Variants in MCM6 observed in about 807,000 individuals in gnomAD.
The protein encoded by MCM6 is DNA replication licensing factor MCM6.
Under a neutral mutation model 94.3 loss-of-function variants are expected in MCM6, and 46 were observed. The observed-to-expected ratio is 0.49, with a 90% CI of 0.39 to 0.62. The LOEUF (loss-of-function observed/expected upper bound fraction) is 0.62. Among genes scored for constraint, MCM6 ranks in the 20% least tolerant of loss-of-function variants. The pLI, the probability that MCM6 is intolerant of heterozygous loss-of-function variation, is 0.00. For synonymous variants in MCM6, 335 were observed against 351.9 expected (o/e 0.95, Z 0.54); for missense variants, 865 against 1,017.9 (o/e 0.85, Z 2.04).
chr2:135,842,009 A>G (rs1294081208), intron 16 of MCM6, among the ~76,000 whole-genome samples: 1 of 152,064 alleles, frequency 6.6e-6, no homozygotes, highest in Non-Finnish European at 1.5e-5. Flanking sequence ...GGAGGCTGAG[A>G]TAAGAGAATC....
intron 14 of MCM6, 76 bp from the exon 15 acceptor site, chr2:135,846,468 T>A: frequency 8.9e-7 from 1 of 1,117,704 alleles, no homozygotes; most frequent in African/African-American, 1.6e-5. Flanking sequence ...ACAAATACAC[T>A]ACTTACATTT....
intron 14 of MCM6, 82 bp from the exon 15 acceptor site, chr2:135,846,474 C>T (rs1243837919): frequency 9.6e-7 from 1 of 1,045,616 alleles, no homozygotes; most frequent in African/African-American, 1.6e-5. Context: ...ACACTACTTA[C>T]ATTTAATACT....
In MCM6 at chr2:135,864,322, C is replaced by A. The variant is rs1010517274; in HGVS notation, c.1078+691G>T. Among the ~76,000 whole-genome samples, 4 of 152,122 alleles carry A rather than the reference C, an allele frequency of 2.6e-5. No individual in the cohort carries two copies. The East Asian group carries it at 7.7e-4, about 29-fold the overall frequency. ...GAACAAGTAACCAATCATAAACACT[C>A]CATTTTGGTAAATAAAAAGAGAAAC... On this transcript the variant is annotated intron_variant, in intron 7 of 16. Coordinates refer to ENST00000264156, the MANE Select transcript of MCM6 (RefSeq NM_005915.6).
chr2:135,854,684 G>T (rs901048349), intron 11 of MCM6, among the ~76,000 whole-genome samples: 9 of 151,768 alleles, frequency 5.9e-5, no homozygotes, highest in African/African-American at 2.2e-4. Flanking sequence ...GCCAGCCTGG[G>T]CAACATGGCA....
chr2:135,870,467 T>C, intron 2 of MCM6, 106 bp from the exon 3 acceptor site: 1 of 768,296 alleles, frequency 1.3e-6, no homozygotes, highest in South Asian at 1.5e-5. Context: ...TGGTTACAAC[T>C]AAACCTTAGA....
intron 4 of MCM6, 43 bp downstream of exon 4, chr2:135,868,568 T>G: frequency 6.3e-7 from 1 of 1,590,514 alleles, no homozygotes; most frequent in Non-Finnish European, 8.6e-7. Context: ...AGTGAATTAT[T>G]ATCATAGATG....
Position 135,844,433 on chromosome 2 carries a change from C to T in MCM6, c.2349+112G>A, listed in dbSNP as rs1208065215. ...ACAACTCATACTTCTGACTACACTC[C>T]AATGATTCAAAACAAACAAAGGTCA... On this transcript the variant is annotated intron_variant, in intron 16 of 16. Transcript: ENST00000264156. 2.2e-5 allele frequency: 20 copies of T among 890,488 alleles called. No homozygotes were observed. In the East Asian group the frequency reaches 6.0e-4, roughly 27 times the overall value. 55.2% of individuals were successfully genotyped at this position (890,488 alleles called of 1,614,324 possible). A position where few individuals can be genotyped will look rare whatever the true frequency, so the allele number is the denominator to read the frequency against.
In MCM6 at chr2:135,840,887, T is replaced by C. The variant is rs148613967; in HGVS notation, c.2414A>G (p.Tyr805Cys). ...LKGSTEGSESYEEDPYLVVNP... is the reference protein window; with the variant it reads ...LKGSTEGSESCEEDPYLVVNP... The stretch of plus-strand genomic sequence containing the variant: ...AACTACCAAGTAGGGATCTTCTTCA[T>C]AGCTCTCACTTCCCTCTGTGGAGCC... The change falls in exon 17 of 17, where the codon TAT (tyrosine) becomes TGT (cysteine). Residue 805 changes from tyrosine to cysteine, a missense_variant. Physicochemically the swap from Tyr to Cys is radical, Grantham distance 194 (BLOSUM62 -2). Around this residue, in one of 3 missense-constraint regions of MCM6, gnomAD observed 308 missense variants for 324.5 expected, o/e 0.95. Coordinates refer to ENST00000264156, the MANE Select transcript of MCM6 (RefSeq NM_005915.6). 5.0e-4 allele frequency: 800 copies of C among 1,614,104 alleles called. 1 individual carries two copies. Among genetic ancestry groups the C allele is most frequent in the Non-Finnish European group, 6.3e-4 (742 of 1,180,018 alleles).
At chr2:135,854,064 A>C (rs1316956083) in intron 11 of MCM6, among the ~76,000 whole-genome samples, 1 of 152,120 alleles carries the variant, frequency 6.6e-6, no homozygotes, top group East Asian at 1.9e-4. Context: ...CGGTCTCTAC[A>C]AAAAATACAA....
chr2:135,854,818 A>G (rs1440672625), intron 11 of MCM6, among the ~76,000 whole-genome samples: 2 of 151,902 alleles, frequency 1.3e-5, no homozygotes, highest in Non-Finnish European at 2.9e-5. Context: ...GGCTGCAGTG[A>G]GCCATGATCA....
At chr2:135,852,019 T>C (rs1298668396) in intron 12 of MCM6, 1 of 153,778 alleles carries the variant, frequency 6.5e-6, no homozygotes, top group African/African-American at 2.4e-5. Context: ...GAATTCACCA[T>C]ATTAAGGAAG....
At chr2:135,868,969 A>C (rs752899309) in intron 3 of MCM6, 109 bp from the exon 4 acceptor site, 100 of 1,094,458 alleles carry the variant, frequency 9.1e-5, no homozygotes, top group Non-Finnish European at 1.2e-4. Context: ...AAAAAAATTC[A>C]AGAGACAAGG....
chr2:135,876,298 G>A lies in MCM6; in HGVS notation c.68C>T (p.Ala23Val). 4 of 1,611,252 alleles carry A rather than the reference G, an allele frequency of 2.5e-6. No individual in the cohort carries two copies. The highest frequency in any genetic ancestry group is 3.4e-6 in the Non-Finnish European group (4 of 1,179,470). Residue 23 changes from alanine to valine, a missense_variant, in exon 1 of 17, where the codon GCC becomes GTC. Physicochemically the swap from Ala to Val is moderately conservative, Grantham distance 64 (BLOSUM62 0). Around this residue, in one of 3 missense-constraint regions of MCM6, gnomAD observed 404 missense variants for 451.9 expected, o/e 0.89. Transcript: ENST00000264156. ...CAGGAACAGTTTCTGGCACTTCTCGGCCACCTCGTCGCGGACCTCCAGGTG... is the reference window on the plus strand; with the variant it reads ...CAGGAACAGTTTCTGGCACTTCTCGACCACCTCGTCGCGGACCTCCAGGTG... ...SQHLEVRDEV[A>V]EKCQKLFLDF...
At chr2:135,852,219 C>T (rs1253997113) in intron 12 of MCM6, among the ~76,000 whole-genome samples, 1 of 152,154 alleles carries the variant, frequency 6.6e-6, no homozygotes, top group Admixed American at 6.5e-5. Flanking sequence ...GTAACACCTT[C>T]CAGAAGTCAA....
Position 135,858,039 on chromosome 2 carries a change from T to C in MCM6, c.1363-35A>G, listed in dbSNP as rs1267677359. On this transcript the variant is annotated intron_variant, in intron 9 of 16. Transcript: ENST00000264156. ...AACAAATCAAGCCTAAGAAGCTGTCTTTCAAGCTGGATGCATGGCTCACAC... is the reference window on the plus strand; with the variant it reads ...AACAAATCAAGCCTAAGAAGCTGTCCTTCAAGCTGGATGCATGGCTCACAC... 3.1e-6 allele frequency: 5 copies of C among 1,587,888 alleles called. No individual in the cohort carries two copies. The South Asian group carries it at 3.3e-5, about 11-fold the overall frequency.
chr2:135,866,074 C>A, intron 6 of MCM6, 58 bp downstream of exon 6: 3 of 1,596,270 alleles, frequency 1.9e-6, no homozygotes, highest in Non-Finnish European at 2.6e-6. Flanking sequence ...TGCACTCCAG[C>A]CTGGGTGACA....
intron 16 of MCM6, among the ~76,000 whole-genome samples, chr2:135,843,020 A>AG (rs1248275868): frequency 6.6e-6 from 1 of 152,202 alleles, no homozygotes; most frequent in Non-Finnish European, 1.5e-5. Context: ...CAATTTTATG[A>AG]GGCTTCTGCA....
At chr2:135,855,010 G>A (rs1679847010) in intron 11 of MCM6, among the ~76,000 whole-genome samples, 1 of 152,052 alleles carries the variant, frequency 6.6e-6, no homozygotes, top group Non-Finnish European at 1.5e-5. Flanking sequence ...CACAAAATTA[G>A]CCAGGCGTGG....
chr2:135,846,535 G>T, intron 14 of MCM6, 143 bp from the exon 15 acceptor site: 1 of 680,846 alleles, frequency 1.5e-6, no homozygotes, highest in South Asian at 2.0e-5. Context: ...TAGAGACAGG[G>T]TCTTGCTATG....
Sources: gnomAD v4.1 joint callset for allele counts (sites outside exome capture counted in the v4.1 genomes callset) on GRCh38, gnomAD v4.1.1 for gene constraint, gnomAD v4.1.1 regional missense constraint, MANE v1.5 for transcripts, NCBI Gene and HGNC (gene_info 2026-07-23, HGNC 2026-07-21) for gene names.